RAB38: variants seen among roughly 807,000 people sequenced by gnomAD.
RAB38 encodes the protein RAB38, member RAS oncogene family.
Under a neutral mutation model 18.4 loss-of-function variants are expected in RAB38, and 15 were observed. That is an observed-to-expected ratio of 0.82 (90% CI 0.55 to 1.26). The LOEUF (loss-of-function observed/expected upper bound fraction) is 1.26, where lower values mean the gene tolerates loss of function less well. RAB38 is among the 50% of genes most tolerant of loss of function. The probability of loss-of-function intolerance (pLI) is 0.00; values close to 1 mark genes in which losing one functional copy is unlikely to be tolerated. For synonymous variants in RAB38, 101 were observed against 104.4 expected, an observed-to-expected ratio of 0.97 and a Z score of 0.20; for missense variants, 294 against 267.4, an observed-to-expected ratio of 1.10 and a Z score of -0.69.
the RAB38 span, among the ~76,000 whole-genome samples, chr11:87,917,115 G>A: frequency 6.6e-6 from 1 of 152,128 alleles, no homozygotes; most frequent in African/African-American, 2.4e-5. Context: ...CATTGCCCAA[G>A]CAGGTTTCTT....
At chr11:87,808,187 C>T in the RAB38 span, among the ~76,000 whole-genome samples, 4 of 152,114 alleles carry the variant, frequency 2.6e-5, no homozygotes, top group Non-Finnish European at 4.4e-5. Flanking sequence ...ACCATATGAT[C>T]GAGGAATCTC....
chr11:88,052,721 T>G, the RAB38 span, among the ~76,000 whole-genome samples: 1 of 151,370 alleles, frequency 6.6e-6, no homozygotes, highest in Non-Finnish European at 1.5e-5. Flanking sequence ...TTCTAATAGA[T>G]GAAAATCTTC....
At chr11:88,116,520 A>G (rs34015925) in intron 2 of RAB38, among the ~76,000 whole-genome samples, 13,605 of 152,216 alleles carry the variant, frequency 0.089, 1,150 homozygotes, top group African/African-American at 0.22. Flanking sequence ...GCTTCCCCAG[A>G]ATCACACAGC....
the RAB38 span, among the ~76,000 whole-genome samples, chr11:87,861,905 T>G: frequency 1.3e-5 from 2 of 151,892 alleles, no homozygotes; most frequent in African/African-American, 2.4e-5. Flanking sequence ...CCTCATCATA[T>G]GAAAACAAGC....
chr11:88,052,655 G>T, the RAB38 span, among the ~76,000 whole-genome samples: 3 of 151,420 alleles, frequency 2.0e-5, no homozygotes. Context: ...TCCTGACATT[G>T]AACTATCAAT....
In RAB38 at chr11:88,159,441, A is replaced by G. The variant is rs551224788; in HGVS notation, c.203-9486T>C. ...AATCTACACATCCAATGCCATTCCT[A>G]TCAATCTACCAACATCATTTTTCAC... On this transcript the variant is annotated intron_variant, in intron 1 of 2. Transcript: ENST00000243662. Among the ~76,000 whole-genome samples, 18 of 152,028 alleles carry G rather than the reference A, an allele frequency of 1.2e-4. No homozygotes were observed. In the South Asian group the frequency reaches 1.7e-3, roughly 14 times the overall value.
the RAB38 span, among the ~76,000 whole-genome samples, chr11:88,064,554 C>T: frequency 4.6e-5 from 7 of 152,336 alleles, 1 homozygote; most frequent in South Asian, 6.2e-4. Context: ...ACTCTCCCCA[C>T]GTCAGAGTAT....
chr11:88,078,148 T>A, the RAB38 span, among the ~76,000 whole-genome samples: 1 of 152,036 alleles, frequency 6.6e-6, no homozygotes, highest in Admixed American at 6.6e-5. Flanking sequence ...ATGGCTTTTA[T>A]CAAAAAGATG....
At chr11:87,824,834 A>T in the RAB38 span, among the ~76,000 whole-genome samples, 1 of 152,172 alleles carries the variant, frequency 6.6e-6, no homozygotes, top group Non-Finnish European at 1.5e-5. Flanking sequence ...AAAGAAAGTT[A>T]AACTTTCCCA....
At position 88,158,623 on chromosome 11, in the gene RAB38, C is replaced by G. The variant is rs186844267; in HGVS notation, c.203-8668G>C. ...CAAGGTTGCTTCAACATATATAAATCAATAAATGTGATTCACTACATAAAC... is the reference window on the plus strand; with the variant it reads ...CAAGGTTGCTTCAACATATATAAATGAATAAATGTGATTCACTACATAAAC... On this transcript the variant is annotated intron_variant, in intron 1 of 2. Coordinates refer to ENST00000243662, the MANE Select transcript of RAB38 (RefSeq NM_022337.3). 2.2e-3 allele frequency among the ~76,000 whole-genome samples: 336 copies of G among 152,208 alleles called. 2 individuals carry two copies. Among genetic ancestry groups the G allele is most frequent in the African/African-American group, 7.9e-3 (330 of 41,540 alleles).
At chr11:88,152,237 G>A (rs753991261) in intron 1 of RAB38, among the ~76,000 whole-genome samples, 10 of 152,152 alleles carry the variant, frequency 6.6e-5, no homozygotes, top group African/African-American at 2.4e-4. Flanking sequence ...GATCTAATCA[G>A]ATGAAGAGCA....
chr11:88,109,142 A>G (rs1167936698), downstream of RAB38, among the ~76,000 whole-genome samples: 4 of 152,084 alleles, frequency 2.6e-5, no homozygotes, highest in Non-Finnish European at 4.4e-5. Flanking sequence ...ACTATACTAC[A>G]AGGCTACAAT....
chr11:88,050,814 G>C, the RAB38 span, among the ~76,000 whole-genome samples: 1 of 152,250 alleles, frequency 6.6e-6, no homozygotes, highest in East Asian at 1.9e-4. Flanking sequence ...TCAACTAGTT[G>C]AAGGCTCTGA....
chr11:88,109,392 A>C (rs535006064), downstream of RAB38, among the ~76,000 whole-genome samples: 10 of 152,334 alleles, frequency 6.6e-5, no homozygotes, highest in African/African-American at 2.2e-4. Flanking sequence ...AGTGACTTAA[A>C]TGTAAGACCT....
chr11:88,138,786 TTTATTA>T (rs1308249602), intron 2 of RAB38, among the ~76,000 whole-genome samples: 12 of 114,750 alleles, frequency 1.0e-4, no homozygotes, highest in African/African-American at 4.2e-4. Flanking sequence ...TTCTTTTTTT[TTTATTA>T]TTTTTTTTGA....
At chr11:88,059,338 CTATT>C in the RAB38 span, among the ~76,000 whole-genome samples, 1 of 152,180 alleles carries the variant, frequency 6.6e-6, no homozygotes, top group Admixed American at 6.5e-5. Context: ...CTTATAATCT[CTATT>C]CATTCTTAAT....
At chr11:88,060,219 C>T in the RAB38 span, 1 of 152,184 alleles carries the variant, frequency 6.6e-6, no homozygotes, top group African/African-American at 2.4e-5. Context: ...CTCCAGAGAA[C>T]AGCCTGTGTC....
chr11:87,967,480 A>G, the RAB38 span, among the ~76,000 whole-genome samples: 1 of 152,200 alleles, frequency 6.6e-6, no homozygotes, highest in African/African-American at 2.4e-5. Flanking sequence ...ATGAAAGTAA[A>G]AAAACAAGAC....
chr11:88,069,471 C>T, the RAB38 span, among the ~76,000 whole-genome samples: 17 of 152,352 alleles, frequency 1.1e-4, no homozygotes, highest in South Asian at 4.1e-4. Flanking sequence ...CAACCACGGC[C>T]CTGGTGCGGG....
Sources: gnomAD v4.1 joint callset for allele counts (sites outside exome capture counted in the v4.1 genomes callset) on GRCh38, gnomAD v4.1.1 for gene constraint, MANE v1.5 for transcripts, NCBI Gene and HGNC (gene_info 2026-07-23, HGNC 2026-07-21) for gene names.